The following PALLD variants were observed in gnomAD, a reference collection of about 807,000 sequenced individuals.
The protein encoded by PALLD is palladin, cytoskeletal associated protein.
PALLD carries 61 observed loss-of-function variants against 123.5 expected under a neutral mutation model. The ratio of observed to expected loss-of-function variants is 0.49; its 90% CI spans 0.40 to 0.61. The LOEUF (loss-of-function observed/expected upper bound fraction) is 0.61. Ranked by LOEUF, PALLD falls within the 20% of genes least tolerant of loss-of-function variation. PALLD has a pLI of 0.00. For missense variants in PALLD, 1,273 were observed against 1,377.0 expected (o/e 0.92, Z 1.20); for synonymous variants, 465 against 496.4 (o/e 0.94, Z 0.84).
At chr4:168,820,289 T>C (rs1262149498) in intron 10 of PALLD, among the ~76,000 whole-genome samples, 1 of 152,212 alleles carries the variant, frequency 6.6e-6, no homozygotes, top group African/African-American at 2.4e-5. Context: ...AGGTGTGCAG[T>C]GCTATTATTC....
chr4:168,790,776 CTT>C (rs1457940959), intron 10 of PALLD, among the ~76,000 whole-genome samples: 1 of 152,136 alleles, frequency 6.6e-6, no homozygotes, highest in African/African-American at 2.4e-5. Flanking sequence ...GTATTCCTCT[CTT>C]TTATTACTGT....
intron 1 of PALLD, among the ~76,000 whole-genome samples, chr4:168,508,115 T>C (rs552163040): frequency 2.3e-4 from 35 of 152,262 alleles, no homozygotes; most frequent in African/African-American, 3.4e-4. Flanking sequence ...ACATACTCTA[T>C]AGTTTCAAAT....
At chr4:168,905,535 T>G (rs1757546621) in intron 15 of PALLD, among the ~76,000 whole-genome samples, 1 of 152,100 alleles carries the variant, frequency 6.6e-6, no homozygotes, top group African/African-American at 2.4e-5. Context: ...AAATATATTT[T>G]TCTGCAATAA....
At chr4:168,731,042 G>A (rs1787122972) in intron 10 of PALLD, among the ~76,000 whole-genome samples, 1 of 152,154 alleles carries the variant, frequency 6.6e-6, no homozygotes, top group South Asian at 2.1e-4. Context: ...CAGTCTTCTT[G>A]TACTAAGCTC....
In PALLD at chr4:168,926,475, T is replaced by C. The variant is rs574708074; in HGVS notation, c.*295T>C. 2.5e-5 allele frequency: 21 copies of C among 827,472 alleles called. No homozygotes were observed. The South Asian group carries it at 4.1e-4, about 16-fold the overall frequency. 51.3% of individuals were successfully genotyped at this position (827,472 alleles called of 1,614,324 possible). On this transcript the variant is annotated 3_prime_UTR_variant, in exon 22 of 22. Coordinates refer to ENST00000505667, the MANE Select transcript of PALLD (RefSeq NM_001166108.2). ...TCACATTATGTAAAAGGCAGAAACA[T>C]ACCTTTGACTATAAGAAATTAAAAA... is the stretch of plus-strand genomic sequence containing the variant.
intron 21 of PALLD, 36 bp from the exon 22 acceptor site, chr4:168,926,177 T>C: frequency 6.8e-7 from 1 of 1,465,548 alleles, no homozygotes; most frequent in Non-Finnish European, 9.1e-7. Flanking sequence ...AAGTATATCT[T>C]GATTAAAAAT....
rs932259670 is a variant in PALLD, at chr4:168,905,795, T to C, written c.2622+1889T>C. 2.9e-3 allele frequency among the ~76,000 whole-genome samples: 421 copies of C among 147,034 alleles called. 2 individuals carry two copies. The highest frequency in any genetic ancestry group is 0.021 in the Middle Eastern group (6 of 280). On this transcript the variant is annotated intron_variant, in intron 15 of 21. Coordinates refer to ENST00000505667, the MANE Select transcript of PALLD (RefSeq NM_001166108.2). ...AGCGGAACTTGCTTTTTTTTCTTTT[T>C]TTTTTTTTTTTTTTTCTTTTTTGAG...
chr4:168,647,974 T>C (rs1435999538), intron 2 of PALLD: 1 of 152,136 alleles, frequency 6.6e-6, no homozygotes, highest in Non-Finnish European at 1.5e-5. Context: ...TTTGCAAACG[T>C]AAAGCAAGGC....
At chr4:168,666,795 C>T (rs1397863367) in intron 2 of PALLD, among the ~76,000 whole-genome samples, 6 of 152,100 alleles carry the variant, frequency 3.9e-5, no homozygotes, top group Non-Finnish European at 7.4e-5. Flanking sequence ...ACTAAAGCCA[C>T]AGTTAATACT....
At chr4:168,863,638 A>AG (rs1314488524) in intron 10 of PALLD, 1 of 151,928 alleles carries the variant, frequency 6.6e-6, no homozygotes, top group Non-Finnish European at 1.5e-5. Context: ...GGAAAAAAAA[A>AG]GTTTCCTCTA....
At chr4:168,574,770 A>G (rs1255633768) in intron 2 of PALLD, among the ~76,000 whole-genome samples, 1 of 152,134 alleles carries the variant, frequency 6.6e-6, no homozygotes, top group African/African-American at 2.4e-5. Context: ...TTCAAAGTAG[A>G]ACTTATTAGC....
chr4:168,778,925 C>A (rs2150537953), intron 10 of PALLD, among the ~76,000 whole-genome samples: 1 of 152,324 alleles, frequency 6.6e-6, no homozygotes, highest in Admixed American at 6.5e-5. Context: ...CCTTCCAGTG[C>A]TTCGGGATTA....
intron 10 of PALLD, among the ~76,000 whole-genome samples, chr4:168,812,113 CTGAT>C (rs1402369232): frequency 1.3e-5 from 2 of 152,130 alleles, no homozygotes; most frequent in Non-Finnish European, 2.9e-5. Context: ...GTTATGATGA[CTGAT>C]GAGAAACATA....
At chr4:168,604,852 A>G (rs1026653072) in intron 2 of PALLD, among the ~76,000 whole-genome samples, 12 of 152,200 alleles carry the variant, frequency 7.9e-5, no homozygotes, top group Non-Finnish European at 1.6e-4. Flanking sequence ...GGTAAGAAAC[A>G]AAGTTCTCAA....
At chr4:168,543,321 C>CTTTT (rs10649595) in intron 2 of PALLD, among the ~76,000 whole-genome samples, 23 of 146,038 alleles carry the variant, frequency 1.6e-4, no homozygotes, top group South Asian at 1.3e-3. Flanking sequence ...TTATATTTAT[C>CTTTT]TTTTTTTTTT....
intron 10 of PALLD, 43 bp from the exon 11 acceptor site, chr4:168,890,879 T>G: frequency 6.2e-7 from 1 of 1,610,570 alleles, no homozygotes; most frequent in Non-Finnish European, 8.5e-7. Flanking sequence ...TGGATTTATA[T>G]GCCTGACAAC....
intron 10 of PALLD, among the ~76,000 whole-genome samples, chr4:168,838,268 G>A (rs1745480956): frequency 6.6e-6 from 1 of 152,138 alleles, no homozygotes; most frequent in South Asian, 2.1e-4. Flanking sequence ...CTGGGGTTTT[G>A]TGCACAAGCA....
At chr4:168,722,023 T>G (rs1457773110) in intron 10 of PALLD, among the ~76,000 whole-genome samples, 1 of 152,186 alleles carries the variant, frequency 6.6e-6, no homozygotes, top group Non-Finnish European at 1.5e-5. Context: ...GAATATGATA[T>G]GAATAAGCTA....
chr4:168,518,264 C>T (rs1763189312), intron 2 of PALLD, among the ~76,000 whole-genome samples: 1 of 152,202 alleles, frequency 6.6e-6, no homozygotes, highest in Non-Finnish European at 1.5e-5. Flanking sequence ...AAGCCACCAT[C>T]ATCTGTCTCT....
Sources: gnomAD v4.1 joint callset for allele counts (sites outside exome capture counted in the v4.1 genomes callset) on GRCh38, gnomAD v4.1.1 for gene constraint, MANE v1.5 for transcripts, NCBI Gene and HGNC (gene_info 2026-07-23, HGNC 2026-07-21) for gene names.